Variants in FSTL5 observed in about 807,000 individuals in gnomAD.
The protein encoded by FSTL5 is follistatin-related protein 5.
Under a neutral mutation model 89.1 loss-of-function variants are expected in FSTL5, and 62 were observed. The ratio of observed to expected loss-of-function variants is 0.70; its 90% CI spans 0.57 to 0.86. The LOEUF (loss-of-function observed/expected upper bound fraction) is 0.86, where lower values mean the gene tolerates loss of function less well. FSTL5 is among the 40% of genes least tolerant of loss of function. The pLI is 0.00. For synonymous variants in FSTL5, 383 were observed against 346.2 expected (o/e 1.11, Z -1.18); for missense variants, 1,057 against 1,001.6 (o/e 1.06, Z -0.75).
chr4:161,946,967 T>C (rs56660360), intron 3 of FSTL5, among the ~76,000 whole-genome samples: 2 of 152,176 alleles, frequency 1.3e-5, no homozygotes, highest in South Asian at 2.1e-4. Context: ...ATTTTCCTGA[T>C]GAAAAATTAT....
intron 15 of FSTL5, among the ~76,000 whole-genome samples, chr4:161,402,411 C>T (rs139253767): frequency 6.6e-6 from 1 of 152,272 alleles, no homozygotes; most frequent in African/African-American, 2.4e-5. Context: ...ATATTAGGAT[C>T]TGAGTAGTGC....
intron 4 of FSTL5, among the ~76,000 whole-genome samples, chr4:161,824,659 G>A (rs1376886631): frequency 6.6e-6 from 1 of 152,070 alleles, no homozygotes; most frequent in Non-Finnish European, 1.5e-5. Flanking sequence ...CACCTCCTTG[G>A]TTAGGTATAT....
At chr4:161,633,959 A>C (rs1578982820) in intron 7 of FSTL5, among the ~76,000 whole-genome samples, 1 of 152,226 alleles carries the variant, frequency 6.6e-6, no homozygotes, top group African/African-American at 2.4e-5. Flanking sequence ...CTACAGGGCA[A>C]TGTAACAATT....
chr4:161,851,943 A>T (rs1485613869), intron 4 of FSTL5, among the ~76,000 whole-genome samples: 1 of 151,688 alleles, frequency 6.6e-6, no homozygotes, highest in African/African-American at 2.4e-5. Context: ...ATTTTATCAC[A>T]TTTAATTTAA....
chr4:161,853,250 A>C (rs1435925920), intron 4 of FSTL5, among the ~76,000 whole-genome samples: 1 of 152,042 alleles, frequency 6.6e-6, no homozygotes, highest in Non-Finnish European at 1.5e-5. Context: ...AATAAATGTT[A>C]AGTGACTTGT....
intron 2 of FSTL5, among the ~76,000 whole-genome samples, chr4:162,092,269 T>C (rs1472067651): frequency 2.0e-5 from 3 of 152,164 alleles, no homozygotes. Flanking sequence ...CCAAGATTGA[T>C]AACCACTGTG....
intron 6 of FSTL5, among the ~76,000 whole-genome samples, chr4:161,659,405 C>T (rs1374530213): frequency 6.6e-6 from 1 of 152,104 alleles, no homozygotes; most frequent in East Asian, 1.9e-4. Context: ...TTTAGCAGCA[C>T]AATTTATTTT....
At chr4:161,930,924 A>C (rs1734268612) in intron 3 of FSTL5, among the ~76,000 whole-genome samples, 1 of 151,860 alleles carries the variant, frequency 6.6e-6, no homozygotes, top group African/African-American at 2.4e-5. Flanking sequence ...GAATTAGACA[A>C]AGGCGAAGGG....
intron 6 of FSTL5, among the ~76,000 whole-genome samples, chr4:161,690,144 G>A (rs190499683): frequency 7.9e-5 from 12 of 152,154 alleles, no homozygotes; most frequent in African/African-American, 2.6e-4. Flanking sequence ...AGTAGAAGCC[G>A]AATGCTGGGG....
chr4:161,833,246 CAGTT>C (rs1002340674), intron 4 of FSTL5, among the ~76,000 whole-genome samples: 1,916 of 152,166 alleles, frequency 0.013, 35 homozygotes, highest in African/African-American at 0.043. Flanking sequence ...GTCTGAGAGA[CAGTT>C]TGTTTTAATT....
chr4:162,047,599 G>A (rs1738234049), intron 2 of FSTL5: 2 of 152,224 alleles, frequency 1.3e-5, no homozygotes, highest in South Asian at 4.1e-4. Context: ...GGAGCCTGAG[G>A]TGGGTGGATC....
chr4:161,576,086 A>G (rs1438056166), intron 8 of FSTL5, among the ~76,000 whole-genome samples: 1 of 152,186 alleles, frequency 6.6e-6, no homozygotes, highest in South Asian at 2.1e-4. Flanking sequence ...CAAAAAGAAT[A>G]AAATACCTAG....
intron 6 of FSTL5, among the ~76,000 whole-genome samples, chr4:161,659,363 C>A (rs1736630524): frequency 6.6e-6 from 1 of 152,102 alleles, no homozygotes; most frequent in African/African-American, 2.4e-5. Flanking sequence ...CTGGTTACAT[C>A]TCAAAATCAA....
chr4:161,869,804 C>T (rs1732206081), intron 4 of FSTL5, among the ~76,000 whole-genome samples: 1 of 152,198 alleles, frequency 6.6e-6, no homozygotes, highest in South Asian at 2.1e-4. Context: ...TGGCATTCTC[C>T]TACAGATAGG....
At chr4:161,646,544 C>T (rs145524916) in intron 7 of FSTL5, among the ~76,000 whole-genome samples, 112 of 152,078 alleles carry the variant, frequency 7.4e-4, no homozygotes, top group Admixed American at 1.3e-3. Flanking sequence ...ATGAAAATTG[C>T]ATTATGTTTT....
At chr4:161,643,487 C>G (rs886735051) in intron 7 of FSTL5, among the ~76,000 whole-genome samples, 2 of 149,636 alleles carry the variant, frequency 1.3e-5, no homozygotes, top group African/African-American at 4.9e-5. Flanking sequence ...TTTTTTTCCC[C>G]TTTTCAGTCA....
chr4:161,731,741 T>C (rs1389373802), intron 6 of FSTL5, among the ~76,000 whole-genome samples: 1 of 151,600 alleles, frequency 6.6e-6, no homozygotes, highest in East Asian at 1.9e-4. Context: ...TTTTTATGAA[T>C]AGAATCTAGT....
intron 3 of FSTL5, among the ~76,000 whole-genome samples, chr4:162,002,251 T>A (rs1042463457): frequency 6.6e-6 from 1 of 152,186 alleles, no homozygotes; most frequent in Non-Finnish European, 1.5e-5. Flanking sequence ...TTCAAAAAAA[T>A]TCAGAGAAAG....
chr4:161,635,246 G>A (rs533699769), intron 7 of FSTL5, among the ~76,000 whole-genome samples: 21 of 152,088 alleles, frequency 1.4e-4, no homozygotes, highest in East Asian at 1.9e-4. Context: ...AAAATTAGCC[G>A]GGCGTGGTGG....
Sources: allele counts gnomAD v4.1 joint callset (sites outside exome capture counted in the v4.1 genomes callset), GRCh38; gene constraint gnomAD v4.1.1; transcripts MANE v1.5; gene names NCBI Gene and HGNC (gene_info 2026-07-23, HGNC 2026-07-21).